The following UGT2A3 variants were observed in gnomAD, a reference collection of about 807,000 sequenced individuals.
UGT2A3 encodes the protein UDP-glucuronosyltransferase 2A3.
In UGT2A3, 55 loss-of-function variants were observed where a neutral mutation model predicts 44.1. The ratio of observed to expected loss-of-function variants is 1.25; its 90% CI spans 1.00 to 1.56. UGT2A3 has a LOEUF of 1.56. Ranked by LOEUF, UGT2A3 falls within the 40% of genes most tolerant of loss-of-function variation. UGT2A3 has a pLI of 0.00. For missense variants in UGT2A3, 733 were observed against 621.6 expected (o/e 1.18, Z -1.91); for synonymous variants, 243 against 215.1 (o/e 1.13, Z -1.13).
chr4:68,930,988 A>G (rs1181303725), intron 4 of UGT2A3, among the ~76,000 whole-genome samples, 167 bp downstream of exon 4: 3 of 152,140 alleles, frequency 2.0e-5, no homozygotes, highest in Non-Finnish European at 2.9e-5. Context: ...TAACAATAGA[A>G]AGTGTGAATC....
chr4:68,950,966 T>A, intron 1 of UGT2A3, 80 bp downstream of exon 1: 6 of 969,506 alleles, frequency 6.2e-6, no homozygotes, highest in Non-Finnish European at 8.8e-6. Flanking sequence ...CCTGCATATA[T>A]ATGTCATAGA....
At chr4:68,945,533 T>A in intron 1 of UGT2A3, 79 bp from the exon 2 acceptor site, 1 of 1,314,212 alleles carries the variant, frequency 7.6e-7, no homozygotes, top group Non-Finnish European at 1.0e-6. Context: ...AGTAAGCTAT[T>A]AAGAAAAAAA....
Position 68,945,471 on chromosome 4 carries a change from A to G in UGT2A3, c.716-17T>C, listed in dbSNP as rs757409286. ...TGGGCCTTCCTCAATAAAAGAAATAACAGAATGAATTAGCATACAATTCAA... is the reference window on the plus strand; with the variant it reads ...TGGGCCTTCCTCAATAAAAGAAATAGCAGAATGAATTAGCATACAATTCAA... On this transcript the variant is annotated splice_polypyrimidine_tract_variant and intron_variant, in intron 1 of 5. Transcript: ENST00000251566. 1 of 1,581,504 alleles carries G rather than the reference A, an allele frequency of 6.3e-7. No homozygotes were observed. The highest frequency in any genetic ancestry group is 1.8e-5 in the Admixed American group (1 of 54,556).
chr4:68,945,160 A>G (rs1718336943), intron 2 of UGT2A3, 146 bp downstream of exon 2: 1 of 803,526 alleles, frequency 1.2e-6, no homozygotes, highest in South Asian at 1.8e-5. Flanking sequence ...AATCACCTAT[A>G]AGAGCCCCTG....
chr4:68,932,844 C>T (rs1163005075), intron 2 of UGT2A3, 85 bp from the exon 3 acceptor site: 4 of 1,344,338 alleles, frequency 3.0e-6, no homozygotes, highest in African/African-American at 1.5e-5. Flanking sequence ...AAAATAAATA[C>T]TTGAGAAATT....
At chr4:68,936,764 G>C (rs926791082) in intron 2 of UGT2A3, among the ~76,000 whole-genome samples, 1 of 151,684 alleles carries the variant, frequency 6.6e-6, no homozygotes, top group Non-Finnish European at 1.5e-5. Flanking sequence ...GACACAGACT[G>C]GCAAATTGTA....
chr4:68,933,715 TA>T (rs1451927968), intron 2 of UGT2A3, among the ~76,000 whole-genome samples: 10 of 152,088 alleles, frequency 6.6e-5, no homozygotes. Flanking sequence ...ATCAGGTTAG[TA>T]ACTAAGTTCC....
chr4:68,930,194 G>T lies in UGT2A3; in HGVS notation c.1305-102C>A, dbSNP rs1717677538. Reference sequence around the variant, plus strand: ...TATATGTTATGCAAGCCAAGAACATGTTCAGTAAAAGATTGATTCTGGTTG... The same window carrying T: ...TATATGTTATGCAAGCCAAGAACATTTTCAGTAAAAGATTGATTCTGGTTG... On this transcript the variant is annotated intron_variant, in intron 5 of 5. Coordinates refer to ENST00000251566, the MANE Select transcript of UGT2A3 (RefSeq NM_024743.4). The T allele has an allele frequency of 3.9e-6, 5 of 1,289,906 alleles. No homozygotes were observed. In the South Asian group the frequency reaches 7.3e-5, roughly 19 times the overall value. 79.9% of individuals were successfully genotyped at this position (1,289,906 alleles called of 1,614,324 possible). A position where few individuals can be genotyped will look rare whatever the true frequency, so the allele number is the denominator to read the frequency against.
rs1718346818 is a variant in UGT2A3 at position 68,945,380 on chromosome 4, A to T, written c.790T>A (p.Phe264Ile). The part of the protein sequence containing the change: ...WLIRTYWDFE[F>I]PQPYQPNFEF... ...AAGTTAGGTTGGTATGGTTGAGGAA[A>T]TTCAAAATCCCAATATGTTCGTATT... The change falls in exon 2 of 6, where the codon TTT becomes ATT. Residue 264 changes from phenylalanine (F) to isoleucine (I), a missense_variant. By Grantham distance (21) the Phe-to-Ile change is conservative. Transcript: ENST00000251566. 3.1e-6 allele frequency: 5 copies of T among 1,611,430 alleles called. No individual in the cohort carries two copies. The highest frequency in any genetic ancestry group is 4.2e-6 in the Non-Finnish European group (5 of 1,178,542).
chr4:68,951,137 T>C lies in UGT2A3; in HGVS notation c.624A>G (p.Arg208=), dbSNP rs1718569118. 6.2e-7 allele frequency: 1 copy of C among 1,611,642 alleles called. No homozygotes were observed. The highest frequency in any genetic ancestry group is 2.2e-5 in the East Asian group (1 of 44,628). The part of the protein sequence containing the change: ...GLTDRMTFLE[R]VKNSMLSVLF... ...AAACTGAAAGCATTGAATTTTTTAC[T>C]CTTTCCAGAAAGGTCATTCTGTCTG... Residue 208 remains arginine (R), a synonymous_variant, in exon 1 of 6, where the codon AGA becomes AGG. Coordinates refer to ENST00000251566, the MANE Select transcript of UGT2A3 (RefSeq NM_024743.4).
At chr4:68,948,799 G>A (rs778772696) in intron 1 of UGT2A3, among the ~76,000 whole-genome samples, 1 of 151,742 alleles carries the variant, frequency 6.6e-6, no homozygotes, top group African/African-American at 2.4e-5. Context: ...CCTGTCCCAG[G>A]CTTTTTTTGT....
chr4:68,931,901 AC>A (rs1364584357), intron 3 of UGT2A3, among the ~76,000 whole-genome samples: 1 of 151,994 alleles, frequency 6.6e-6, no homozygotes, highest in Non-Finnish European at 1.5e-5. Context: ...GTTTCAAACT[AC>A]TTAACAGATA....
intron 1 of UGT2A3, among the ~76,000 whole-genome samples, chr4:68,946,602 G>A (rs939286411): frequency 1.3e-5 from 2 of 151,608 alleles, no homozygotes; most frequent in African/African-American, 4.8e-5. Context: ...ATTTAAGAAA[G>A]ACTCAGTTTT....
intron 2 of UGT2A3, among the ~76,000 whole-genome samples, chr4:68,935,500 A>T (rs766772136): frequency 6.6e-6 from 1 of 151,580 alleles, no homozygotes; most frequent in African/African-American, 2.4e-5. Flanking sequence ...AACAAACAGA[A>T]AGAAATAACA....
rs1388458483 is a variant in UGT2A3 at position 68,935,272 on chromosome 4, G to GTGTA, written c.865-2514_865-2513insTACA. ...GACAAGGAGGTGTGTATGTATGTATGTATGTATATATATATATATATATAT... is the reference window on the plus strand; with the variant it reads ...GACAAGGAGGTGTGTATGTATGTATGTGTATATGTATATATATATATATATATAT... On this transcript the variant is annotated intron_variant, in intron 2 of 5. Transcript: ENST00000251566. 1.6e-4 allele frequency among the ~76,000 whole-genome samples: 14 copies of GTGTA among 89,280 alleles called. 1 individual carries two copies. Among genetic ancestry groups the GTGTA allele is most frequent in the South Asian group, 4.7e-4 (1 of 2,124 alleles). 58.6% of individuals were successfully genotyped at this position (89,280 alleles called of 152,430 possible). A position where few individuals can be genotyped will look rare whatever the true frequency, so the allele number is the denominator to read the frequency against.
chr4:68,933,154 A>G (rs1239885471), intron 2 of UGT2A3, among the ~76,000 whole-genome samples: 1 of 152,064 alleles, frequency 6.6e-6, no homozygotes. Context: ...ATCGCTTTTA[A>G]AAGTACAACT....
chr4:68,939,982 CA>C (rs1718124593), intron 2 of UGT2A3, among the ~76,000 whole-genome samples: 1 of 152,124 alleles, frequency 6.6e-6, no homozygotes, highest in East Asian at 1.9e-4. Context: ...GAAATGCAAA[CA>C]AAAACCACAA....
Position 68,928,962 on chromosome 4 carries a change from A to G in UGT2A3, c.*851T>C, listed in dbSNP as rs1253941468. 6.6e-6 allele frequency: 1 copy of G among 152,076 alleles called. No individual in the cohort carries two copies. Among genetic ancestry groups the G allele is most frequent in the Non-Finnish European group, 1.5e-5 (1 of 67,986 alleles). 9.4% of individuals were successfully genotyped at this position (152,076 alleles called of 1,614,324 possible). A position where few individuals can be genotyped will look rare whatever the true frequency, so the allele number is the denominator to read the frequency against. ...TTTGATTATAGAGATAAGAATTATG[A>G]GTATTCATCATTTTTAAAGAATAAA... On this transcript the variant is annotated 3_prime_UTR_variant, in exon 6 of 6. Transcript: ENST00000251566.
At chr4:68,933,789 C>G (rs1474214944) in intron 2 of UGT2A3, among the ~76,000 whole-genome samples, 2 of 152,004 alleles carry the variant, frequency 1.3e-5, no homozygotes, top group Non-Finnish European at 2.9e-5. Context: ...AGTTCTGGCA[C>G]AGCATTATGT....
Sources: allele counts gnomAD v4.1 joint callset (sites outside exome capture counted in the v4.1 genomes callset), GRCh38; gene constraint gnomAD v4.1.1; transcripts MANE v1.5; gene names NCBI Gene and HGNC (gene_info 2026-07-23, HGNC 2026-07-21).